The following TDRD9 variants were observed in gnomAD, a reference collection of about 807,000 sequenced individuals.
TDRD9 encodes the protein tudor domain containing 9.
In TDRD9, 124 loss-of-function variants were observed where a neutral mutation model predicts 172.6. The ratio of observed to expected loss-of-function variants is 0.72; its 90% CI spans 0.62 to 0.83. The LOEUF is 0.83. Among genes scored for constraint, TDRD9 ranks in the 40% least tolerant of loss-of-function variants. The pLI is 0.00. For synonymous variants in TDRD9, 619 were observed against 617.1 expected (o/e 1.00, Z -0.05); for missense variants, 1,479 against 1,714.1 (o/e 0.86, Z 2.42).
intron 8 of TDRD9, among the ~76,000 whole-genome samples, chr14:103,989,612 A>G (rs971515941): frequency 3.3e-5 from 5 of 152,232 alleles, no homozygotes; most frequent in Non-Finnish European, 7.3e-5. Flanking sequence ...TATCTTTTTC[A>G]TGATGGAATC....
At chr14:103,950,791 A>G (rs2031832946) in intron 1 of TDRD9, among the ~76,000 whole-genome samples, 1 of 152,214 alleles carries the variant, frequency 6.6e-6, no homozygotes, top group African/African-American at 2.4e-5. Flanking sequence ...GAACAGAGCC[A>G]GGGAAGGCCA....
intron 12 of TDRD9, 70 bp from the exon 13 acceptor site, chr14:103,998,554 T>C: frequency 1.1e-6 from 1 of 873,276 alleles, no homozygotes; most frequent in South Asian, 1.4e-5. Context: ...TTTATCACTA[T>C]GCATTGTGAT....
intron 2 of TDRD9, among the ~76,000 whole-genome samples, chr14:103,956,106 AAAAAAATATATAT>A (rs1158453203): frequency 4.6e-5 from 2 of 43,132 alleles, no homozygotes; most frequent in Non-Finnish European, 8.1e-5. Context: ...AAAAAAAAAA[AAAAAAATATATAT>A]ATATATATAT....
intron 23 of TDRD9, among the ~76,000 whole-genome samples, chr14:104,019,217 A>G (rs1383175488): frequency 6.6e-6 from 1 of 152,188 alleles, no homozygotes; most frequent in Non-Finnish European, 1.5e-5. Flanking sequence ...CCAGTTCTGC[A>G]TGGATGCTCC....
intron 1 of TDRD9, 70 bp downstream of exon 1, chr14:103,928,794 A>G: frequency 4.2e-6 from 2 of 475,416 alleles, no homozygotes; most frequent in Non-Finnish European, 6.2e-6. Flanking sequence ...GGCACGGGCC[A>G]TCCAGATCCT....
At chr14:104,034,331 C>T (rs1318976243) in intron 31 of TDRD9, among the ~76,000 whole-genome samples, 3 of 142,618 alleles carry the variant, frequency 2.1e-5, no homozygotes, top group Non-Finnish European at 4.9e-5. Context: ...GCTGGGACTA[C>T]AAGCACCTGC....
chr14:104,021,048 A>C (rs977600417), intron 23 of TDRD9, among the ~76,000 whole-genome samples: 8 of 152,134 alleles, frequency 5.3e-5, no homozygotes, highest in Non-Finnish European at 7.4e-5. Flanking sequence ...TTATAAAGAA[A>C]AGAGGTTTAA....
chr14:104,009,098 A>T (rs1317440396), intron 20 of TDRD9, among the ~76,000 whole-genome samples: 1 of 152,222 alleles, frequency 6.6e-6, no homozygotes, highest in Admixed American at 6.5e-5. Context: ...TAGGCTGTAT[A>T]GTGTAGCCTA....
intron 1 of TDRD9, among the ~76,000 whole-genome samples, chr14:103,954,176 T>G (rs117697350): frequency 2.0e-5 from 3 of 152,242 alleles, no homozygotes; most frequent in Admixed American, 6.5e-5. Context: ...TCTATTGGCA[T>G]GAATAGAGCC....
chr14:103,936,962 C>T (rs2030808315), intron 1 of TDRD9, among the ~76,000 whole-genome samples: 2 of 152,186 alleles, frequency 1.3e-5, no homozygotes, highest in Non-Finnish European at 1.5e-5. Flanking sequence ...TGTTGTGGTG[C>T]CTGCCTGTAG....
intron 1 of TDRD9, among the ~76,000 whole-genome samples, chr14:103,949,286 C>T (rs1366859323): frequency 6.6e-6 from 1 of 152,190 alleles, no homozygotes; most frequent in African/African-American, 2.4e-5. Context: ...TCTTGGCTCA[C>T]ATAAGCAAAC....
chr14:103,950,124 T>C (rs1265096195), intron 1 of TDRD9, among the ~76,000 whole-genome samples: 9 of 138,118 alleles, frequency 6.5e-5, no homozygotes, highest in Admixed American at 1.5e-4. Flanking sequence ...AGTTTCGCTC[T>C]TGTTGCCCAG....
At chr14:103,954,323 C>G (rs1451563400) in intron 1 of TDRD9, among the ~76,000 whole-genome samples, 1 of 152,154 alleles carries the variant, frequency 6.6e-6, no homozygotes, top group African/African-American at 2.4e-5. Context: ...TCCTTAATAG[C>G]GTCACCCGAT....
rs142035530 is a variant in TDRD9 at position 103,966,760 on chromosome 14, A to G, written c.694A>G (p.Thr232Ala). The G allele has an allele frequency of 2.5e-3, 3,895 of 1,551,204 alleles. 11 individuals carry two copies. Among genetic ancestry groups the G allele is most frequent in the Middle Eastern group, 3.8e-3 (23 of 5,988 alleles). ...TEDTRLIYMTTGVLLQKIVSA... is the reference protein window; with the variant it reads ...TEDTRLIYMTAGVLLQKIVSA... The stretch of plus-strand genomic sequence containing the variant: ...GGACACCAGGCTAATTTATATGACA[A>G]CTGGAGTCCTGCTTCAGAAAATAGT... Residue 232 changes from threonine to alanine, a missense_variant, in exon 5 of 36, where the codon ACT (threonine) becomes GCT (alanine). Physicochemically the swap from Thr to Ala is moderately conservative, Grantham distance 58. Coordinates refer to ENST00000409874, the MANE Select transcript of TDRD9 (RefSeq NM_153046.3).
chr14:104,034,840 G>T, intron 31 of TDRD9, 120 bp from the exon 32 acceptor site: 1 of 686,892 alleles, frequency 1.5e-6, no homozygotes, highest in Non-Finnish European at 2.5e-6. Flanking sequence ...GGCCTGTGGG[G>T]ACTGGACAGA....
intron 24 of TDRD9, among the ~76,000 whole-genome samples, chr14:104,023,387 C>T (rs2035023937): frequency 1.3e-5 from 2 of 152,132 alleles, no homozygotes; most frequent in Admixed American, 6.5e-5. Flanking sequence ...TTGTCTTCAA[C>T]ACAGCAGTCA....
chr14:104,024,049 T>A (rs2035041739), intron 24 of TDRD9, among the ~76,000 whole-genome samples: 1 of 152,200 alleles, frequency 6.6e-6, no homozygotes, highest in Admixed American at 6.5e-5. Flanking sequence ...TCTTTTGTAT[T>A]CCAGAAGTTT....
intron 34 of TDRD9, among the ~76,000 whole-genome samples, chr14:104,048,713 C>G (rs2035853527): frequency 6.6e-6 from 1 of 152,178 alleles, no homozygotes; most frequent in South Asian, 2.1e-4. Flanking sequence ...CTGTGGCACT[C>G]TCCTTTCCAG....
At chr14:103,956,329 A>G (rs1366888919) in intron 2 of TDRD9, among the ~76,000 whole-genome samples, 3 of 150,822 alleles carry the variant, frequency 2.0e-5, no homozygotes, top group African/African-American at 2.4e-5. Flanking sequence ...TCTCAGCTAC[A>G]TGGGAGGCTG....
Sources: allele counts gnomAD v4.1 joint callset (sites outside exome capture counted in the v4.1 genomes callset), GRCh38; gene constraint gnomAD v4.1.1; transcripts MANE v1.5; gene names NCBI Gene and HGNC (gene_info 2026-07-23, HGNC 2026-07-21).